Variants in TFDP2 observed in about 807,000 individuals in gnomAD.
The protein encoded by TFDP2 is transcription factor Dp-2 (E2F dimerization partner 2).
Under a neutral mutation model 59.3 loss-of-function variants are expected in TFDP2, and 17 were observed. That is an observed-to-expected ratio of 0.29 (90% CI 0.20 to 0.43). The LOEUF is 0.43. TFDP2 is among the 20% of genes least tolerant of loss of function. The pLI is 1.00. For synonymous variants in TFDP2, 180 were observed against 194.7 expected, an observed-to-expected ratio of 0.92 and a Z score of 0.63; for missense variants, 391 against 528.8, an observed-to-expected ratio of 0.74 and a Z score of 2.56.
In TFDP2 at chr3:141,952,321, T is replaced by C; in HGVS notation, c.*192A>G. On this transcript the variant is annotated 3_prime_UTR_variant, in exon 13 of 13. Coordinates refer to ENST00000489671, the MANE Select transcript of TFDP2 (RefSeq NM_001178139.2). ...ATCTACTGCTCTGTTGGCCAGACTTTCATTCACACTATGTTAACTTTCATC... is the reference window on the plus strand; with the variant it reads ...ATCTACTGCTCTGTTGGCCAGACTTCCATTCACACTATGTTAACTTTCATC... 2 of 501,618 alleles carry C rather than the reference T, an allele frequency of 4.0e-6. No homozygotes were observed. Among genetic ancestry groups the C allele is most frequent in the Non-Finnish European group, 6.7e-6 (2 of 297,950 alleles). 31.1% of individuals were successfully genotyped at this position (501,618 alleles called of 1,614,324 possible).
intron 11 of TFDP2, among the ~76,000 whole-genome samples, chr3:141,959,345 A>T (rs944463280): frequency 6.6e-6 from 1 of 152,128 alleles, no homozygotes; most frequent in Non-Finnish European, 1.5e-5. Context: ...AAACTCCCTC[A>T]TTGAGCTTTT....
chr3:142,117,102 G>T (rs939026314), intron 1 of TFDP2, among the ~76,000 whole-genome samples: 1 of 152,002 alleles, frequency 6.6e-6, no homozygotes, highest in African/African-American at 2.4e-5. Flanking sequence ...GGTATTTTTA[G>T]TAGAGACGAG....
In TFDP2 at chr3:141,956,942, C is replaced by CG. The variant is rs1046901336; in HGVS notation, c.1051+2731_1051+2732insC. On this transcript the variant is annotated intron_variant, in intron 11 of 12. Coordinates refer to ENST00000489671, the MANE Select transcript of TFDP2 (RefSeq NM_001178139.2). ...CCCCTCCACCACCACCCTGCCCCACCCCCCCCACAAAAATCACAGCGAGAT... is the reference window on the plus strand; with the variant it reads ...CCCCTCCACCACCACCCTGCCCCACCGCCCCCCACAAAAATCACAGCGAGAT... Among the ~76,000 whole-genome samples the CG allele has an allele frequency of 3.3e-4, 49 of 149,550 alleles. 1 individual carries two copies. Among genetic ancestry groups the CG allele is most frequent in the South Asian group, 1.1e-3 (5 of 4,546 alleles).
At chr3:142,148,499 G>A (rs149834261) in intron 1 of TFDP2, among the ~76,000 whole-genome samples, 27 of 152,230 alleles carry the variant, frequency 1.8e-4, no homozygotes, top group Admixed American at 2.0e-4. Context: ...TTCACTCCCC[G>A]AAACACACCG....
chr3:142,082,170 G>A (rs561037883), intron 3 of TFDP2, among the ~76,000 whole-genome samples: 1 of 152,314 alleles, frequency 6.6e-6, no homozygotes, highest in Non-Finnish European at 1.5e-5. Context: ...AACTGTGCAT[G>A]TGAGGGATCT....
chr3:142,130,679 C>A (rs2062467550), intron 1 of TFDP2, among the ~76,000 whole-genome samples: 1 of 151,924 alleles, frequency 6.6e-6, no homozygotes, highest in East Asian at 1.9e-4. Context: ...TTGCAAGATG[C>A]AAGTTCTGAA....
intron 1 of TFDP2, among the ~76,000 whole-genome samples, chr3:142,135,635 A>G (rs2062697955): frequency 6.6e-6 from 1 of 152,020 alleles, no homozygotes; most frequent in African/African-American, 2.4e-5. Flanking sequence ...GTTCCCAACT[A>G]TAAGGGAGAA....
At chr3:142,126,802 C>T (rs2062270927) in intron 1 of TFDP2, among the ~76,000 whole-genome samples, 2 of 151,520 alleles carry the variant, frequency 1.3e-5, no homozygotes, top group Admixed American at 6.6e-5. Context: ...CAAAAATTAG[C>T]CAGGCAGTGG....
At chr3:142,043,947 T>G in intron 3 of TFDP2, 1 of 783,938 alleles carries the variant, frequency 1.3e-6, no homozygotes, top group South Asian at 1.4e-5. Flanking sequence ...GCGCATTGGC[T>G]GTACCCTTCC....
chr3:142,102,406 T>C (rs191354555), intron 1 of TFDP2, among the ~76,000 whole-genome samples: 2 of 151,978 alleles, frequency 1.3e-5, no homozygotes, highest in East Asian at 1.9e-4. Context: ...TATAAACCCA[T>C]TGAATAAAAT....
At chr3:142,008,219 G>A (rs145484845) in intron 3 of TFDP2, among the ~76,000 whole-genome samples, 1 of 152,104 alleles carries the variant, frequency 6.6e-6, no homozygotes, top group East Asian at 1.9e-4. Context: ...GTTCCAATGT[G>A]CAGCCAGGGC....
intron 1 of TFDP2, among the ~76,000 whole-genome samples, chr3:142,116,901 AG>A (rs2061869435): frequency 6.6e-6 from 1 of 152,028 alleles, no homozygotes; most frequent in Non-Finnish European, 1.5e-5. Flanking sequence ...TGGATTTTTC[AG>A]GTGTAAAATT....
At chr3:142,073,889 A>G (rs551616553) in intron 3 of TFDP2, among the ~76,000 whole-genome samples, 1 of 152,236 alleles carries the variant, frequency 6.6e-6, no homozygotes, top group Non-Finnish European at 1.5e-5. Flanking sequence ...TAGAGATTCA[A>G]TGCAATCTCC....
chr3:142,087,840 T>C (rs1347224388), intron 3 of TFDP2, among the ~76,000 whole-genome samples: 1 of 152,174 alleles, frequency 6.6e-6, no homozygotes, highest in Non-Finnish European at 1.5e-5. Context: ...TAAGTCGCAG[T>C]CTAATTAGCA....
At chr3:142,073,742 A>G (rs1402403430) in intron 3 of TFDP2, among the ~76,000 whole-genome samples, 1 of 152,188 alleles carries the variant, frequency 6.6e-6, no homozygotes, top group African/African-American at 2.4e-5. Context: ...AGGTTTTAGT[A>G]TATTTACAAA....
chr3:142,113,965 T>C (rs908112546), intron 1 of TFDP2, among the ~76,000 whole-genome samples: 16 of 151,854 alleles, frequency 1.1e-4, no homozygotes, highest in African/African-American at 3.1e-4. Flanking sequence ...GAGATCAAGA[T>C]CATCCTGTCT....
At chr3:142,050,283 A>T (rs915273134) in intron 3 of TFDP2, among the ~76,000 whole-genome samples, 12 of 151,418 alleles carry the variant, frequency 7.9e-5, no homozygotes, top group Admixed American at 2.6e-4. Flanking sequence ...AAAATAATAA[A>T]AAAAAAAGAT....
intron 3 of TFDP2, among the ~76,000 whole-genome samples, chr3:142,066,957 T>C (rs2060091976): frequency 6.6e-6 from 1 of 152,050 alleles, no homozygotes; most frequent in South Asian, 2.1e-4. Context: ...CCAAAAACCA[T>C]TCATGTATAA....
intron 3 of TFDP2, among the ~76,000 whole-genome samples, chr3:142,021,168 T>A (rs375637585): frequency 6.6e-6 from 1 of 152,112 alleles, no homozygotes; most frequent in East Asian, 1.9e-4. Context: ...GACCTCAACA[T>A]CACTATAATT....
Sources: gnomAD v4.1 joint callset for allele counts (sites outside exome capture counted in the v4.1 genomes callset) on GRCh38, gnomAD v4.1.1 for gene constraint, MANE v1.5 for transcripts, NCBI Gene and HGNC (gene_info 2026-07-23, HGNC 2026-07-21) for gene names.